The following PIP5K1B variants were observed in gnomAD, a reference collection of about 807,000 sequenced individuals.
The protein encoded by PIP5K1B is phosphatidylinositol 4-phosphate 5-kinase type-1 beta.
PIP5K1B carries 42 observed loss-of-function variants against 67.0 expected under a neutral mutation model. The observed-to-expected ratio is 0.63, with a 90% CI of 0.49 to 0.81. The LOEUF is 0.81. Among genes scored for constraint, PIP5K1B ranks in the 30% least tolerant of loss-of-function variants. The pLI, the probability that PIP5K1B is intolerant of heterozygous loss-of-function variation, is 0.00. For missense variants in PIP5K1B, 459 were observed against 646.3 expected (o/e 0.71, Z 3.14); for synonymous variants, 214 against 231.4 (o/e 0.92, Z 0.68).
intron 1 of PIP5K1B, among the ~76,000 whole-genome samples, chr9:68,706,393 G>T (rs1251632230): frequency 6.6e-6 from 1 of 152,128 alleles, no homozygotes; most frequent in Non-Finnish European, 1.5e-5. Flanking sequence ...GCCAGGAGTC[G>T]CCAGAACAGA....
chr9:68,860,586 G>A (rs899176716), intron 4 of PIP5K1B, among the ~76,000 whole-genome samples: 1 of 152,172 alleles, frequency 6.6e-6, no homozygotes, highest in African/African-American at 2.4e-5. Flanking sequence ...ACTTAAAAGA[G>A]AACTTCCGAC....
At chr9:68,748,619 T>TC (rs1473452502) in intron 2 of PIP5K1B, among the ~76,000 whole-genome samples, 2 of 101,418 alleles carry the variant, frequency 2.0e-5, no homozygotes, top group Non-Finnish European at 4.4e-5. Flanking sequence ...TTTTCTTTTT[T>TC]TTTTTTTTTT....
Position 68,877,922 on chromosome 9 carries a change from C to T in PIP5K1B, c.318+1128C>T, listed in dbSNP as rs575712486. Among the ~76,000 whole-genome samples the T allele has an allele frequency of 2.9e-3, 434 of 152,200 alleles. 3 individuals carry two copies. The highest frequency in any genetic ancestry group is 0.01 in the African/African-American group (416 of 41,526). On this transcript the variant is annotated intron_variant, in intron 6 of 15. Coordinates refer to ENST00000265382, the MANE Select transcript of PIP5K1B (RefSeq NM_003558.4). Reference sequence around the variant, plus strand: ...CTGCTGCCCTTAAATGTATATATTACTCTCTTTCTCTCACCACTCCCCTTT... The same window carrying T: ...CTGCTGCCCTTAAATGTATATATTATTCTCTTTCTCTCACCACTCCCCTTT...
At chr9:68,851,462 G>A (rs940443652) in intron 4 of PIP5K1B, among the ~76,000 whole-genome samples, 1 of 152,184 alleles carries the variant, frequency 6.6e-6, no homozygotes, top group African/African-American at 2.4e-5. Context: ...TGAAAATGCA[G>A]ATGCTGCAGA....
intron 4 of PIP5K1B, among the ~76,000 whole-genome samples, chr9:68,863,240 T>G (rs1823191541): frequency 6.6e-6 from 1 of 152,230 alleles, no homozygotes; most frequent in Non-Finnish European, 1.5e-5. Flanking sequence ...ACCACTGATT[T>G]AAGTATTTAA....
intron 2 of PIP5K1B, chr9:68,789,037 C>A (rs915853960): frequency 8.7e-6 from 4 of 458,014 alleles, no homozygotes; most frequent in South Asian, 8.2e-5. Context: ...CAGCTTGATA[C>A]AGCATCAATC....
chr9:68,957,268 A>G (rs1285943554), intron 14 of PIP5K1B, among the ~76,000 whole-genome samples: 1 of 151,622 alleles, frequency 6.6e-6, no homozygotes, highest in African/African-American at 2.4e-5. Context: ...GAAATTCCTC[A>G]TTGCAAGGCT....
At chr9:68,856,340 A>C (rs973402932) in intron 4 of PIP5K1B, among the ~76,000 whole-genome samples, 1 of 152,142 alleles carries the variant, frequency 6.6e-6, no homozygotes, top group Non-Finnish European at 1.5e-5. Flanking sequence ...CAAAATGTCA[A>C]TTCCTTAAGG....
At chr9:68,731,638 C>T (rs1828437588) in intron 1 of PIP5K1B, among the ~76,000 whole-genome samples, 1 of 152,040 alleles carries the variant, frequency 6.6e-6, no homozygotes, top group African/African-American at 2.4e-5. Context: ...CAAACACACT[C>T]AATTAGGGGA....
intron 2 of PIP5K1B, among the ~76,000 whole-genome samples, chr9:68,801,655 C>T (rs955754290): frequency 2.0e-5 from 3 of 152,104 alleles, no homozygotes; most frequent in African/African-American, 7.2e-5. Context: ...TCAGGCTGGA[C>T]GGAATCTCAT....
intron 1 of PIP5K1B, among the ~76,000 whole-genome samples, chr9:68,741,819 A>G (rs552034820): frequency 3.3e-5 from 5 of 151,944 alleles, no homozygotes; most frequent in Non-Finnish European, 7.4e-5. Flanking sequence ...GGCCCGTTAC[A>G]TTTTGTTCAT....
At chr9:68,876,549 C>T (rs1823907911) in intron 5 of PIP5K1B, 128 bp from the exon 6 acceptor site, 1 of 625,562 alleles carries the variant, frequency 1.6e-6, no homozygotes, top group Non-Finnish European at 2.8e-6. Flanking sequence ...TTTGAGAAAC[C>T]CGCTCTCAGG....
chr9:68,878,741 A>G (rs1468201362), intron 6 of PIP5K1B, among the ~76,000 whole-genome samples: 1 of 152,204 alleles, frequency 6.6e-6, no homozygotes, highest in African/African-American at 2.4e-5. Flanking sequence ...AAATGTAAAA[A>G]CTGAAGCAAA....
At chr9:68,929,542 A>G (rs1440417416) in intron 12 of PIP5K1B, among the ~76,000 whole-genome samples, 1 of 151,744 alleles carries the variant, frequency 6.6e-6, no homozygotes, top group East Asian at 1.9e-4. Context: ...CACTTTTTTT[A>G]TTTCTTGTCA....
intron 2 of PIP5K1B, among the ~76,000 whole-genome samples, chr9:68,770,059 T>C (rs1401737838): frequency 6.6e-6 from 1 of 152,096 alleles, no homozygotes; most frequent in African/African-American, 2.4e-5. Flanking sequence ...AAATCAACAG[T>C]CCTTATTTCT....
intron 14 of PIP5K1B, among the ~76,000 whole-genome samples, chr9:68,981,887 T>A (rs1260270534): frequency 5.9e-5 from 9 of 151,626 alleles, no homozygotes. Flanking sequence ...GGAAGAAAAA[T>A]CGCTCCTCCT....
Position 68,917,730 on chromosome 9 carries a change from A to T in PIP5K1B, c.954A>T (p.Gly318=), listed in dbSNP as rs988243208. The change falls in exon 9 of 16, where the codon GGA becomes GGT. Residue 318 remains glycine (G), a synonymous_variant. Coordinates refer to ENST00000265382, the MANE Select transcript of PIP5K1B (RefSeq NM_003558.4). ...MESIQGPGKS[G]DGIITENPDT... is the part of the protein sequence containing the mutation. ...CTATCCAGGGTCCAGGGAAATCTGG[A>T]GATGGGATAATCACAGAGAACCCAG... The T allele has an allele frequency of 6.2e-7, 1 of 1,614,120 alleles. No homozygotes were observed. Among genetic ancestry groups the T allele is most frequent in the Non-Finnish European group, 8.5e-7 (1 of 1,179,950 alleles).
At chr9:68,796,510 A>G (rs1252200928) in intron 2 of PIP5K1B, among the ~76,000 whole-genome samples, 1 of 152,166 alleles carries the variant, frequency 6.6e-6, no homozygotes, top group Non-Finnish European at 1.5e-5. Flanking sequence ...AAAAAGAAGA[A>G]AAGTGTAGTT....
chr9:68,896,626 A>T (rs1425591325), intron 8 of PIP5K1B, among the ~76,000 whole-genome samples: 9 of 152,222 alleles, frequency 5.9e-5, no homozygotes. Context: ...CAAAATATGT[A>T]CATCTGCCTT....
Sources: allele counts gnomAD v4.1 joint callset (sites outside exome capture counted in the v4.1 genomes callset), GRCh38; gene constraint gnomAD v4.1.1; transcripts MANE v1.5; gene names NCBI Gene and HGNC (gene_info 2026-07-23, HGNC 2026-07-21).